Variants in KALRN observed in about 807,000 individuals in gnomAD.
The protein encoded by KALRN is kalirin RhoGEF kinase, also known as kalirin.
In KALRN, 70 loss-of-function variants were observed where a neutral mutation model predicts 353.7. The observed-to-expected ratio is 0.20, with a 90% CI of 0.16 to 0.24. The LOEUF is 0.24. Ranked by LOEUF, KALRN falls within the 10% of genes least tolerant of loss-of-function variation. The pLI is 1.00. For missense variants in KALRN, 2,791 were observed against 3,756.7 expected (o/e 0.74, Z 6.72); for synonymous variants, 1,391 against 1,434.8 (o/e 0.97, Z 0.69).
At chr3:124,421,123 C>G (rs756882512) in intron 14 of KALRN, among the ~76,000 whole-genome samples, 1 of 152,110 alleles carries the variant, frequency 6.6e-6, no homozygotes, top group Non-Finnish European at 1.5e-5. Context: ...GGATGAGGAG[C>G]CAGGGAAAGG....
chr3:124,146,012 T>G (rs2067277837), intron 1 of KALRN, among the ~76,000 whole-genome samples: 1 of 152,226 alleles, frequency 6.6e-6, no homozygotes, highest in Non-Finnish European at 1.5e-5. Context: ...AGTGCTTAGA[T>G]TATCAGCAGG....
chr3:124,579,894 G>T (rs961879929), intron 34 of KALRN, among the ~76,000 whole-genome samples: 1 of 152,120 alleles, frequency 6.6e-6, no homozygotes, highest in Non-Finnish European at 1.5e-5. Context: ...CCACACCCAG[G>T]TCATGGGCTT....
At chr3:124,154,084 A>T (rs1578702562) in intron 1 of KALRN, among the ~76,000 whole-genome samples, 1 of 152,072 alleles carries the variant, frequency 6.6e-6, no homozygotes, top group Non-Finnish European at 1.5e-5. Flanking sequence ...GTTCACTCTG[A>T]TGGTAGTTTC....
At chr3:124,329,779 G>C (rs976364312) in intron 7 of KALRN, 82 bp from the exon 8 acceptor site, 1 of 1,480,670 alleles carries the variant, frequency 6.8e-7, no homozygotes, top group Non-Finnish European at 9.2e-7. Flanking sequence ...TTCTTCCCAA[G>C]GTATCTGACC....
chr3:124,040,757 C>CTATACTCCATATCTA (rs1276390795), intron 1 of KALRN, among the ~76,000 whole-genome samples: 22 of 152,216 alleles, frequency 1.4e-4, no homozygotes, highest in African/African-American at 5.1e-4. Flanking sequence ...TATGGAGCAT[C>CTATACTCCATATCTA]TAGTGGTCTC....
intron 39 of KALRN, among the ~76,000 whole-genome samples, chr3:124,656,129 AATG>A (rs1315421799): frequency 6.6e-6 from 1 of 152,176 alleles, no homozygotes; most frequent in African/African-American, 2.4e-5. Context: ...AAAACCCACC[AATG>A]AGCAAGGTTG....
intron 28 of KALRN, among the ~76,000 whole-genome samples, chr3:124,483,707 T>A (rs1465998516): frequency 6.6e-6 from 1 of 152,214 alleles, no homozygotes; most frequent in Admixed American, 6.5e-5. Context: ...AAAGGGTACA[T>A]ATTAAAACAC....
At chr3:124,101,998 A>G (rs754456527) in intron 1 of KALRN, among the ~76,000 whole-genome samples, 4 of 152,156 alleles carry the variant, frequency 2.6e-5, no homozygotes, top group Non-Finnish European at 4.4e-5. Context: ...TGGGAAAAAG[A>G]AGAGAAAAGC....
intron 10 of KALRN, among the ~76,000 whole-genome samples, chr3:124,349,374 G>C (rs930261229): frequency 6.6e-6 from 1 of 152,222 alleles, no homozygotes; most frequent in Admixed American, 6.5e-5. Context: ...CATTGCCCAC[G>C]GGCTGTATGT....
intron 28 of KALRN, among the ~76,000 whole-genome samples, chr3:124,487,459 G>A (rs981025984): frequency 2.0e-5 from 3 of 152,174 alleles, no homozygotes; most frequent in African/African-American, 7.2e-5. Context: ...TGATGTGGTG[G>A]ATAAAGTGCC....
chr3:124,623,590 G>C (rs1278706897), intron 34 of KALRN, among the ~76,000 whole-genome samples: 1 of 152,078 alleles, frequency 6.6e-6, no homozygotes. Flanking sequence ...AAGCTGGGAG[G>C]CTAGGCCTGT....
intron 1 of KALRN, chr3:124,163,509 T>C: frequency 1.4e-6 from 1 of 735,326 alleles, no homozygotes; most frequent in Non-Finnish European, 1.7e-6. Context: ...AATGTCCCCA[T>C]CTAATGCTGC....
intron 53 of KALRN, 81 bp downstream of exon 53, chr3:124,694,584 C>G: frequency 7.3e-7 from 1 of 1,377,624 alleles, no homozygotes; most frequent in South Asian, 1.3e-5. Context: ...GGTGCAACTT[C>G]TGCTCTGGTG....
At position 124,443,700 on chromosome 3, in the gene KALRN, C is replaced by T. The variant is rs559286635; in HGVS notation, c.3313+1641C>T. 2.0e-5 allele frequency among the ~76,000 whole-genome samples: 3 copies of T among 152,268 alleles called. No homozygotes were observed. In the South Asian group the frequency reaches 6.2e-4, roughly 32 times the overall value. On this transcript the variant is annotated intron_variant, in intron 19 of 59. Transcript: ENST00000682506. ...TGCGTGCTGAAGAATAACAGGCACC[C>T]AGAGACAGTGGGAAATGCCTACATC...
At chr3:124,270,824 GTTTTTTTTTT>G (rs777615656) in intron 5 of KALRN, among the ~76,000 whole-genome samples, 3 of 78,654 alleles carry the variant, frequency 3.8e-5, no homozygotes, top group African/African-American at 1.5e-4. Flanking sequence ...TTTTTGTTTT[GTTTTTTTTTT>G]TTTTTTTTTT....
In KALRN at chr3:124,269,849, A is replaced by G. The variant is rs1021283035; in HGVS notation, c.969+594A>G. ...GTTCTTTGATCTTGGGTCTACAGTGACAGAGCTGACATCTGAATCCAGCAT... is the reference window on the plus strand; with the variant it reads ...GTTCTTTGATCTTGGGTCTACAGTGGCAGAGCTGACATCTGAATCCAGCAT... On this transcript the variant is annotated intron_variant, in intron 5 of 59. Coordinates refer to ENST00000682506, the MANE Select transcript of KALRN (RefSeq NM_001388419.1). Among the ~76,000 whole-genome samples the G allele has an allele frequency of 9.2e-5, 14 of 152,314 alleles. 2 individuals are homozygous for G. Among genetic ancestry groups the G allele is most frequent in the Admixed American group, 9.2e-4 (14 of 15,294 alleles).
chr3:124,136,408 C>G (rs2065923407), intron 1 of KALRN, among the ~76,000 whole-genome samples: 1 of 152,142 alleles, frequency 6.6e-6, no homozygotes, highest in Admixed American at 6.5e-5. Flanking sequence ...GGGGACCTTG[C>G]TATGAGAGCC....
In KALRN at chr3:124,422,953, G is replaced by T. The variant is rs770807961; in HGVS notation, c.2684G>T (p.Arg895Leu). 6.2e-7 allele frequency: 1 copy of T among 1,613,524 alleles called. No homozygotes were observed. The highest frequency in any genetic ancestry group is 8.5e-7 in the Non-Finnish European group (1 of 1,179,682). The change falls in exon 15 of 60, where the codon CGT (arginine) becomes CTT (leucine). Residue 895 changes from arginine to leucine, a missense_variant. This residue lies in a region of KALRN where 452 missense variants were observed against 575.8 expected (regional missense o/e 0.78). Transcript: ENST00000682506. ...HKRLEQCLQLRHLQAEVKQVL... is the reference protein window; with the variant it reads ...HKRLEQCLQLLHLQAEVKQVL... ...CGGCTAGAGCAGTGCCTCCAATTAC[G>T]TCACCTCCAGGCTGAAGTCAAACAG...
chr3:124,660,835 T>G, intron 43 of KALRN, 88 bp from the exon 44 acceptor site: 1 of 900,564 alleles, frequency 1.1e-6, no homozygotes, highest in Non-Finnish European at 1.9e-6. Context: ...CTCCAGGGTG[T>G]TATTGTATTT....
Sources: gnomAD v4.1 joint callset for allele counts (sites outside exome capture counted in the v4.1 genomes callset) on GRCh38, gnomAD v4.1.1 for gene constraint, gnomAD v4.1.1 regional missense constraint, MANE v1.5 for transcripts, NCBI Gene and HGNC (gene_info 2026-07-23, HGNC 2026-07-21) for gene names.